The following CBFA2T2 variants were observed in gnomAD, a reference collection of about 807,000 sequenced individuals.
CBFA2T2 encodes protein CBFA2T2.
CBFA2T2 carries 11 observed loss-of-function variants against 62.2 expected under a neutral mutation model. The observed-to-expected ratio is 0.18, with a 90% CI of 0.11 to 0.29. The LOEUF is 0.29. Among genes scored for constraint, CBFA2T2 ranks in the 10% least tolerant of loss-of-function variants. The pLI is 1.00. For missense variants in CBFA2T2, 592 were observed against 774.1 expected, an observed-to-expected ratio of 0.76 and a Z score of 2.79; for synonymous variants, 295 against 287.5, an observed-to-expected ratio of 1.03 and a Z score of -0.27.
In CBFA2T2 at chr20:33,499,048, G is replaced by GAA. The variant is rs11406629; in HGVS notation, c.34+8760_34+8761dup. ...GAAAGAGTGAAACTCCGTCTAAAAA[G>GAA]AAAAAAAAAAAAAATAAGCAGAGAG... is the stretch of plus-strand genomic sequence containing the variant. On this transcript the variant is annotated intron_variant, in intron 1 of 10. Transcript: ENST00000342704. Among the ~76,000 whole-genome samples the GAA allele has an allele frequency of 8.3e-4, 114 of 137,778 alleles. 2 individuals carry two copies. The highest frequency in any genetic ancestry group is 1.4e-3 in the South Asian group (6 of 4,274). The allele number at this position is 137,778 out of a possible 152,430, so 90.4% of individuals were successfully genotyped here.
chr20:33,542,273 C>G (rs2012428847), intron 1 of CBFA2T2, among the ~76,000 whole-genome samples: 3 of 152,078 alleles, frequency 2.0e-5, no homozygotes, highest in Admixed American at 1.3e-4. Flanking sequence ...AGTCAGTGAT[C>G]AGTTAAAACC....
chr20:33,640,226 C>T, intron 9 of CBFA2T2, 115 bp from the exon 10 acceptor site: 1 of 945,752 alleles, frequency 1.1e-6, no homozygotes, highest in Non-Finnish European at 1.6e-6. Context: ...GTGTTCCTCC[C>T]TGTGGAGTTT....
intron 1 of CBFA2T2, among the ~76,000 whole-genome samples, chr20:33,494,761 G>A (rs1461456725): frequency 6.6e-6 from 1 of 151,484 alleles, no homozygotes; most frequent in Non-Finnish European, 1.5e-5. Flanking sequence ...ACCACACCCA[G>A]CTAATTTTGT....
At chr20:33,498,261 T>C (rs972659423) in intron 1 of CBFA2T2, among the ~76,000 whole-genome samples, 1 of 151,102 alleles carries the variant, frequency 6.6e-6, no homozygotes, top group Non-Finnish European at 1.5e-5. Flanking sequence ...TTTTTTTTTT[T>C]TTGAGATGGA....
chr20:33,494,149 A>T (rs2011170017), intron 1 of CBFA2T2, among the ~76,000 whole-genome samples: 1 of 147,664 alleles, frequency 6.8e-6, no homozygotes, highest in Non-Finnish European at 1.5e-5. Flanking sequence ...CCAAAATGTT[A>T]GGATTACAGG....
At chr20:33,537,198 T>C (rs538633456) in intron 1 of CBFA2T2, among the ~76,000 whole-genome samples, 8 of 152,186 alleles carry the variant, frequency 5.3e-5, no homozygotes, top group African/African-American at 1.2e-4. Flanking sequence ...CTGGGCACCA[T>C]TGAGCACTGA....
chr20:33,595,138 G>A (rs746945907), intron 1 of CBFA2T2, among the ~76,000 whole-genome samples: 10 of 152,228 alleles, frequency 6.6e-5, no homozygotes, highest in Non-Finnish European at 1.5e-4. Context: ...CATTGGAAGA[G>A]ACCCTCAGCA....
At chr20:33,577,523 G>A (rs2013885394) in intron 1 of CBFA2T2, among the ~76,000 whole-genome samples, 1 of 152,156 alleles carries the variant, frequency 6.6e-6, no homozygotes, top group Admixed American at 6.5e-5. Context: ...TCCAGGGTGT[G>A]CTTCAGCTGT....
intron 1 of CBFA2T2, among the ~76,000 whole-genome samples, chr20:33,493,043 G>A (rs1014822011): frequency 1.3e-5 from 2 of 148,212 alleles, no homozygotes; most frequent in Non-Finnish European, 3.0e-5. Context: ...GTGAGCCTCT[G>A]CACCCGCCCT....
At chr20:33,516,527 A>C (rs1411973905) in intron 1 of CBFA2T2, among the ~76,000 whole-genome samples, 1 of 152,102 alleles carries the variant, frequency 6.6e-6, no homozygotes, top group Non-Finnish European at 1.5e-5. Flanking sequence ...ATAATCCTAG[A>C]CTTCGGGAGG....
intron 1 of CBFA2T2, among the ~76,000 whole-genome samples, chr20:33,572,198 G>GGT (rs1449998477): frequency 2.0e-5 from 3 of 152,136 alleles, no homozygotes; most frequent in Admixed American, 2.0e-4. Context: ...TAAAGATGGT[G>GGT]GTAGGGTATT....
intron 1 of CBFA2T2, among the ~76,000 whole-genome samples, chr20:33,552,455 T>G (rs540141385): frequency 2.0e-5 from 3 of 152,306 alleles, no homozygotes; most frequent in African/African-American, 7.2e-5. Flanking sequence ...TACTCCAGGC[T>G]CTTTCTGCTG....
At chr20:33,600,376 TG>T (rs1286114734) in intron 1 of CBFA2T2, 2 of 282,108 alleles carry the variant, frequency 7.1e-6, no homozygotes, top group Admixed American at 9.5e-5. Flanking sequence ...TTAGTAGAGA[TG>T]GGGTTTCACC....
intron 5 of CBFA2T2, 150 bp downstream of exon 5, chr20:33,623,446 G>A (rs570339081): frequency 6.7e-5 from 58 of 859,834 alleles, no homozygotes; most frequent in African/African-American, 4.9e-4. Flanking sequence ...AGACTGGAGC[G>A]CAGTGGTGCA....
chr20:33,492,415 TA>T lies in CBFA2T2; in HGVS notation c.34+2124del, dbSNP rs199700102. Among the ~76,000 whole-genome samples, 797 of 146,296 alleles carry T rather than the reference TA, an allele frequency of 5.4e-3. 11 individuals are homozygous for T. The highest frequency in any genetic ancestry group is 9.9e-3 in the Non-Finnish European group (662 of 66,572). ...CTTCCATAATAAACTTGCTTTCACT[TA>T]AAAAAAAAAGATTGTGTCCAAATTT... On this transcript the variant is annotated intron_variant, in intron 1 of 10. Transcript: ENST00000342704.
chr20:33,564,831 C>T lies in CBFA2T2; in HGVS notation c.35-42125C>T, dbSNP rs111748038. ...CTGACCTCAAGCAATAGAGCCACCT[C>T]GACCTCCCAAAGTGGTGGGATTGCA... On this transcript the variant is annotated intron_variant, in intron 1 of 10. Coordinates refer to ENST00000342704, the MANE Select transcript of CBFA2T2 (RefSeq NM_001032999.3). Among the ~76,000 whole-genome samples the T allele has an allele frequency of 3.9e-3, 595 of 152,242 alleles. 5 individuals carry two copies. The highest frequency in any genetic ancestry group is 0.017 in the Middle Eastern group (5 of 294).
intron 1 of CBFA2T2, 149 bp from the exon 2 acceptor site, chr20:33,606,807 G>A (rs1284961950): frequency 3.1e-6 from 2 of 649,126 alleles, no homozygotes; most frequent in African/African-American, 3.7e-5. Flanking sequence ...AGTTCCAGAT[G>A]TTGGGATGTG....
intron 1 of CBFA2T2, among the ~76,000 whole-genome samples, chr20:33,495,806 C>A (rs1386929428): frequency 6.6e-6 from 1 of 152,190 alleles, no homozygotes; most frequent in Non-Finnish European, 1.5e-5. Context: ...TTTGAGACTT[C>A]AGGCTCATTA....
At chr20:33,630,628 C>T (rs985328296) in intron 8 of CBFA2T2, among the ~76,000 whole-genome samples, 15 of 152,298 alleles carry the variant, frequency 9.8e-5, no homozygotes, top group Middle Eastern at 3.4e-3. Flanking sequence ...CTCAGTTATT[C>T]CCCTCAAAAT....
Sources: allele counts gnomAD v4.1 joint callset (sites outside exome capture counted in the v4.1 genomes callset), GRCh38; gene constraint gnomAD v4.1.1; transcripts MANE v1.5; gene names NCBI Gene and HGNC (gene_info 2026-07-23, HGNC 2026-07-21).